Variants in DPEP2 observed in about 807,000 individuals in gnomAD.
DPEP2 encodes dipeptidase 2.
A neutral mutation model predicts 51.8 loss-of-function variants in DPEP2; 45 were observed. The ratio of observed to expected loss-of-function variants is 0.87; its 90% CI spans 0.68 to 1.11. The LOEUF is 1.11. Among genes scored for constraint, DPEP2 ranks in the 50% most tolerant of loss-of-function variants. DPEP2 has a pLI of 0.00. For missense variants in DPEP2, 604 were observed against 631.9 expected (o/e 0.96, Z 0.47); for synonymous variants, 255 against 262.7 (o/e 0.97, Z 0.28).
In DPEP2 at chr16:67,991,056, T is replaced by G. The variant is rs373015842; in HGVS notation, c.732+59A>C. On this transcript the variant is annotated intron_variant, in intron 6 of 10. Coordinates refer to ENST00000393847, the MANE Select transcript of DPEP2 (RefSeq NM_022355.4). This position sits in a 1 kb window ranked among gnomAD's most constrained non-coding sequence, Gnocchi z 5.1. Reference sequence around the variant, plus strand: ...GTGCACATGTGTATACATTTATTTGTAAGAAACAGCTGGGGTGTGCACATT... The same window carrying G: ...GTGCACATGTGTATACATTTATTTGGAAGAAACAGCTGGGGTGTGCACATT... 4.0e-5 allele frequency: 64 copies of G among 1,614,120 alleles called. No homozygotes were observed. The East Asian group carries it at 5.8e-4, about 15-fold the overall frequency.
upstream of DPEP2, chr16:68,000,375 T>G: frequency 1.1e-6 from 1 of 940,974 alleles, no homozygotes; most frequent in Non-Finnish European, 1.3e-6. Flanking sequence ...AAGGAAAAAG[T>G]CAGGCTGAGT....
intron 1 of DPEP2, chr16:67,994,360 A>T: frequency 1.7e-5 from 17 of 985,174 alleles, no homozygotes; most frequent in Non-Finnish European, 2.0e-5. Context: ...TTCCTTGACG[A>T]CAGGCCCCAC....
intron 9 of DPEP2, 107 bp from the exon 10 acceptor site, chr16:67,988,094 G>T: frequency 7.1e-7 from 1 of 1,411,006 alleles, no homozygotes; most frequent in South Asian, 1.3e-5. Flanking sequence ...ATGGGAAGTG[G>T]AGACTTGGAG....
chr16:67,993,008 T>A lies in DPEP2; in HGVS notation c.205A>T (p.Thr69Ser). ...APSTTLSSPS[T>S]QGLQEQARAL... ...CGTGCCTGCTCTTGCAGGCCCTGGG[T>A]GCTGGGACTACTGAGTGTGGTCGAG... The change falls in exon 2 of 11, where the codon ACC becomes TCC. Residue 69 changes from threonine (T) to serine (S), a missense_variant. By Grantham distance (58) the Thr-to-Ser change is moderately conservative (BLOSUM62 1). Coordinates refer to ENST00000393847, the MANE Select transcript of DPEP2 (RefSeq NM_022355.4). 6.2e-7 allele frequency: 1 copy of A among 1,606,792 alleles called. No individual in the cohort carries two copies. The highest frequency in any genetic ancestry group is 8.5e-7 in the Non-Finnish European group (1 of 1,176,698).
At position 67,991,470 on chromosome 16, in the gene DPEP2, T is replaced by C. The variant is rs576985380; in HGVS notation, c.663-286A>G. Among the ~76,000 whole-genome samples the C allele has an allele frequency of 6.6e-6, 1 of 151,514 alleles. No homozygotes were observed. Among genetic ancestry groups the C allele is most frequent in the South Asian group, 2.1e-4 (1 of 4,790 alleles). On this transcript the variant is annotated intron_variant, in intron 5 of 10. Transcript: ENST00000393847. The surrounding 1 kb of genome is among the most constrained non-coding windows in gnomAD (Gnocchi z 5.1). Reference sequence around the variant, plus strand: ...TCAGCTCACTGAAACCTGCACCTCCTGGGTTCAAGAGATTCTCATGCCTCA... The same window carrying C: ...TCAGCTCACTGAAACCTGCACCTCCCGGGTTCAAGAGATTCTCATGCCTCA...
At position 67,993,185 on chromosome 16, in the gene DPEP2, C is replaced by T; in HGVS notation, c.28G>A (p.Gly10Ser). 1.3e-6 allele frequency: 2 copies of T among 1,482,240 alleles called. No individual in the cohort carries two copies. The highest frequency in any genetic ancestry group is 9.0e-7 in the Non-Finnish European group (1 of 1,112,660). 91.8% of individuals were successfully genotyped at this position (1,482,240 alleles called of 1,614,324 possible). A position where few individuals can be genotyped will look rare whatever the true frequency, so the allele number is the denominator to read the frequency against. The change falls in exon 2 of 11, where the codon GGC becomes AGC. Residue 10 changes from glycine (G) to serine (S), a missense_variant. Coordinates refer to ENST00000393847, the MANE Select transcript of DPEP2 (RefSeq NM_022355.4). ...AGCAGAGGCCACCGACCAAACGTGC[C>T]GGGACCCTCGAGGCCGGAGGGCTGC... is the stretch of plus-strand genomic sequence containing the variant. MQPSGLEGP[G>S]TFGRWPLLSL...
In DPEP2 at chr16:67,993,148, A is replaced by G; in HGVS notation, c.65T>C (p.Leu22Pro). ...FGRWPLLSLL[L>P]LLLLLQPVTC... ...TACAGGCTGGAGCAGCAGCAGCAGGAGCAGCAGACTCAGCAGAGGCCACCG... is the reference window on the plus strand; with the variant it reads ...TACAGGCTGGAGCAGCAGCAGCAGGGGCAGCAGACTCAGCAGAGGCCACCG... Residue 22 changes from leucine (L) to proline (P), a missense_variant, in exon 2 of 11, where the codon CTC (leucine) becomes CCC (proline). Leu to Pro is a moderately conservative substitution (Grantham distance 98). Coordinates refer to ENST00000393847, the MANE Select transcript of DPEP2 (RefSeq NM_022355.4). The G allele has an allele frequency of 1.3e-6, 2 of 1,533,054 alleles. No individual in the cohort carries two copies. The highest frequency in any genetic ancestry group is 8.8e-7 in the Non-Finnish European group (1 of 1,137,278). The allele number at this position is 1,533,054 out of a possible 1,614,324, so 95.0% of individuals were successfully genotyped here. A position where few individuals can be genotyped will look rare whatever the true frequency, so the allele number is the denominator to read the frequency against.
Position 67,992,072 on chromosome 16 carries a change from G to A in DPEP2, c.512C>T (p.Ser171Leu), listed in dbSNP as rs753813676. 16 of 1,614,000 alleles carry A rather than the reference G, an allele frequency of 9.9e-6. No homozygotes were observed. The highest frequency in any genetic ancestry group is 5.0e-5 in the Admixed American group (3 of 59,994). The change falls in exon 4 of 11, where the codon TCG becomes TTG. Residue 171 changes from serine to leucine, a missense_variant. Coordinates refer to ENST00000393847, the MANE Select transcript of DPEP2 (RefSeq NM_022355.4). ...CCCATCAACTTGCCTACCTTTAGCC[G>A]AGGTCACAAGCTCCAGCTCAGAATA... The part of the protein sequence containing the change: ...ASYSELELVT[S>L]AKALNDTQKL...
chr16:67,994,504 T>C (rs2032548651), intron 1 of DPEP2: 1 of 985,356 alleles, frequency 1.0e-6, no homozygotes, highest in African/African-American at 1.7e-5. Flanking sequence ...ACCTGAGATC[T>C]TCCGGGACTG....
At chr16:67,988,513 G>C (rs568487695) in intron 9 of DPEP2, among the ~76,000 whole-genome samples, 18 of 151,976 alleles carry the variant, frequency 1.2e-4, no homozygotes, top group East Asian at 1.9e-4. Flanking sequence ...TGAGGCAGGA[G>C]AATCGCTGGA....
chr16:67,992,956 AC>A lies in DPEP2; in HGVS notation c.256del (p.Val86TrpfsTer11). ...ARALMRDFPL[V>X]DGHNDLPLVL... ...CCTTGCAGCAATTACGCACCCGTCCACGAGCGGGAAGTCCCGCATCAGGGCC... is the reference window on the plus strand; with the variant it reads ...CCTTGCAGCAATTACGCACCCGTCCAGAGCGGGAAGTCCCGCATCAGGGCC... On this transcript the variant is annotated frameshift_variant, in exon 2 of 11. Transcript: ENST00000393847. LOFTEE classifies it high-confidence loss of function. 1 of 1,610,922 alleles carries A rather than the reference AC, an allele frequency of 6.2e-7. No homozygotes were observed. The highest frequency in any genetic ancestry group is 8.5e-7 in the Non-Finnish European group (1 of 1,178,512).
chr16:67,993,147 G>C lies in DPEP2; in HGVS notation c.66C>G (p.Leu22=), dbSNP rs1190800165. Residue 22 remains leucine, a synonymous_variant, in exon 2 of 11, where the codon CTC becomes CTG. Transcript: ENST00000393847. ...FGRWPLLSLL[L]LLLLLQPVTC... ...TTACAGGCTGGAGCAGCAGCAGCAG[G>C]AGCAGCAGACTCAGCAGAGGCCACC... 1 of 1,534,390 alleles carries C rather than the reference G, an allele frequency of 6.5e-7. No individual in the cohort carries two copies. The highest frequency in any genetic ancestry group is 2.1e-5 in the Admixed American group (1 of 48,090).
At position 67,987,777 on chromosome 16, in the gene DPEP2, G is replaced by A. The variant is rs756277797; in HGVS notation, c.1207-17C>T. 1.9e-6 allele frequency: 3 copies of A among 1,612,700 alleles called. No individual in the cohort carries two copies. The highest frequency in any genetic ancestry group is 2.5e-6 in the Non-Finnish European group (3 of 1,178,768). ...TTCCTGTACCTAGAGGTGGCAGTCG[G>A]TGCTCAGCTTCCACAGCTCTCCTTG... On this transcript the variant is annotated splice_polypyrimidine_tract_variant and intron_variant, in intron 10 of 10. Transcript: ENST00000393847.
intron 1 of DPEP2, among the ~76,000 whole-genome samples, chr16:67,998,382 G>A (rs377717476): frequency 6.6e-6 from 1 of 152,184 alleles, no homozygotes; most frequent in Admixed American, 6.5e-5. Context: ...AGGATGTACT[G>A]GGTCCCCCAG....
In DPEP2 at chr16:67,992,121, G is replaced by C; in HGVS notation, c.463C>G (p.Leu155Val). The C allele has an allele frequency of 6.2e-7, 1 of 1,614,176 alleles. No individual in the cohort carries two copies. Among genetic ancestry groups the C allele is most frequent in the Non-Finnish European group, 8.5e-7 (1 of 1,180,036 alleles). Residue 155 changes from leucine (L) to valine (V), a missense_variant, in exon 4 of 11, where the codon CTC (leucine) becomes GTC (valine). Leu to Val is a conservative substitution (Grantham distance 32, BLOSUM62 1). Coordinates refer to ENST00000393847, the MANE Select transcript of DPEP2 (RefSeq NM_022355.4). ...TAGGAGGCACACATGCGGCGTATGA[G>C]GTCAATCTGCTCCAGGGTGAGGCGC... ...ALRLTLEQID[L>V]IRRMCASYSE...
At chr16:67,999,531 G>A, upstream of DPEP2, 1 of 985,812 alleles carries the variant, frequency 1.0e-6, no homozygotes. Flanking sequence ...CTTTGGGTGA[G>A]GTTAGGGGGA....
chr16:67,991,273 C>T lies in DPEP2; in HGVS notation c.663-89G>A. On this transcript the variant is annotated intron_variant, in intron 5 of 10. Transcript: ENST00000393847. This position sits in a 1 kb window ranked among gnomAD's most constrained non-coding sequence, Gnocchi z 5.1. ...CCTACCCACCCTCCATCCCTGCACC[C>T]CCCTGAAACAAAAACAGGGATCCAA... The T allele has an allele frequency of 7.4e-7, 1 of 1,353,768 alleles. No homozygotes were observed. Among genetic ancestry groups the T allele is most frequent in the Middle Eastern group, 2.6e-4 (1 of 3,880 alleles). The allele number at this position is 1,353,768 out of a possible 1,614,324, so 83.9% of individuals were successfully genotyped here.
rs551600530 is a variant in DPEP2 at position 67,987,846 on chromosome 16, G to C, written c.1206+6C>G. On this transcript the variant is annotated splice_donor_region_variant and intron_variant, in intron 10 of 10. Transcript: ENST00000393847. Reference sequence around the variant, plus strand: ...CTCGGCTACTCTCTTGCCCAGCCCAGAGTACCTTTTCCACTTGTCTGAAGA... The same window carrying C: ...CTCGGCTACTCTCTTGCCCAGCCCACAGTACCTTTTCCACTTGTCTGAAGA... The C allele has an allele frequency of 2.2e-5, 36 of 1,614,056 alleles. No individual in the cohort carries two copies. The highest frequency in any genetic ancestry group is 3.1e-5 in the Non-Finnish European group (36 of 1,180,042).
At position 67,993,661 on chromosome 16, in the gene DPEP2, C is replaced by T. The variant is rs906710114; in HGVS notation, c.-45-404G>A. On this transcript the variant is annotated intron_variant, in intron 1 of 10. Coordinates refer to ENST00000393847, the MANE Select transcript of DPEP2 (RefSeq NM_022355.4). ...CCTGCCCTGGGAGATCTGCAGACCA[C>T]GTCATGTCCCCAACCGCCTGCAACG... is the stretch of plus-strand genomic sequence containing the variant. 3 of 988,742 alleles carry T rather than the reference C, an allele frequency of 3.0e-6. No individual in the cohort carries two copies. In the African/African-American group the frequency reaches 5.2e-5, roughly 17 times the overall value. 61.2% of individuals were successfully genotyped at this position (988,742 alleles called of 1,614,324 possible). A position where few individuals can be genotyped will look rare whatever the true frequency, so the allele number is the denominator to read the frequency against.
Sources: allele counts gnomAD v4.1 joint callset (sites outside exome capture counted in the v4.1 genomes callset), GRCh38; gene constraint gnomAD v4.1.1; non-coding constraint Gnocchi (gnomAD v3.1); transcripts MANE v1.5; gene names NCBI Gene and HGNC (gene_info 2026-07-23, HGNC 2026-07-21).